Variants in GDF1 observed in about 807,000 individuals in gnomAD.
The protein encoded by GDF1 is growth differentiation factor 1.
A neutral mutation model predicts 7.4 loss-of-function variants in GDF1; 8 were observed. The observed-to-expected ratio is 1.09, with a 90% confidence interval of 0.64 to 1.96. The LOEUF is 1.96. Ranked by LOEUF, GDF1 falls within the 30% of genes most tolerant of loss-of-function variation. The probability of loss-of-function intolerance (pLI) is 0.00; values close to 1 mark genes in which losing one functional copy is unlikely to be tolerated. For missense variants in GDF1, 574 were observed against 551.5 expected (o/e 1.04, Z -0.41); for synonymous variants, 311 against 276.7 (o/e 1.12, Z -1.23).
intron 6 of GDF1, among the ~76,000 whole-genome samples, chr19:18,877,462 C>T (rs531287936): frequency 7.9e-5 from 12 of 152,310 alleles, no homozygotes; most frequent in South Asian, 4.1e-4. Context: ...GGAGAATTCC[C>T]GACTCAGGCC....
Position 18,895,926 on chromosome 19 carries a change from C to T in GDF1, c.-1176G>A. On this transcript the variant is annotated 5_prime_UTR_variant, in exon 1 of 8. Coordinates refer to ENST00000247005, the MANE Select transcript of GDF1 (RefSeq NM_001492.6). The surrounding 1 kb of genome is among the most constrained non-coding windows in gnomAD (Gnocchi z 6.4). The stretch of plus-strand genomic sequence containing the variant: ...GCGGCGCCAGGTGCGCGTGCTCAGC[C>T]AGGCCGCGACGCGCCAGCCCCCAGC... 2.5e-6 allele frequency: 3 copies of T among 1,213,030 alleles called. No individual in the cohort carries two copies. Among genetic ancestry groups the T allele is most frequent in the Admixed American group, 4.3e-5 (1 of 23,026 alleles). 75.1% of individuals were successfully genotyped at this position (1,213,030 alleles called of 1,614,324 possible).
rs1356538468 is a variant in GDF1 at position 18,880,347 on chromosome 19, A to T, written c.-644T>A. 1 of 1,563,354 alleles carries T rather than the reference A, an allele frequency of 6.4e-7. No homozygotes were observed. Among genetic ancestry groups the T allele is most frequent in the African/African-American group, 1.4e-5 (1 of 73,576 alleles). On this transcript the variant is annotated 5_prime_UTR_variant, in exon 4 of 8. Transcript: ENST00000247005. ...AGCCGATGGTAGGAGCCGCCGCGGG[A>T]CTTGAAGTAAATGTTGAGCTTGGTG...
intron 6 of GDF1, among the ~76,000 whole-genome samples, chr19:18,875,542 C>CAAAAAAA (rs886609723): frequency 1.0e-5 from 1 of 97,374 alleles, no homozygotes; most frequent in African/African-American, 3.7e-5. Context: ...GACACTGTCT[C>CAAAAAAA]AAAAAAAAAA....
In GDF1 at chr19:18,870,674, CCT is replaced by C. The variant is rs1278793186; in HGVS notation, c.-312-57_-312-56del. ...TGGGAGCCCCACGCGGCCGCCTGGC[CCT>C]CTTTCCCGCTTCTTCTCTGGCCGTT... On this transcript the variant is annotated intron_variant, in intron 6 of 7. Transcript: ENST00000247005. The surrounding 1 kb of genome is among the most constrained non-coding windows in gnomAD (Gnocchi z 5.1). The C allele has an allele frequency of 2.0e-6, 1 of 511,780 alleles. No individual in the cohort carries two copies. Among genetic ancestry groups the C allele is most frequent in the Non-Finnish European group, 3.5e-6 (1 of 282,736 alleles). The allele number at this position is 511,780 out of a possible 1,614,324, so 31.7% of individuals were successfully genotyped here.
chr19:18,895,361 G>A lies in GDF1; in HGVS notation c.-1074+463C>T, dbSNP rs1232523186. Among the ~76,000 whole-genome samples the A allele has an allele frequency of 6.6e-6, 1 of 152,208 alleles. No homozygotes were observed. Among genetic ancestry groups the A allele is most frequent in the Non-Finnish European group, 1.5e-5 (1 of 68,024 alleles). The stretch of plus-strand genomic sequence containing the variant: ...CATGGCAGGGAGGCGCATGGCGCAG[G>A]CCGCGGTGCGCCGAGCCCTCCCGTT... On this transcript the variant is annotated intron_variant, in intron 1 of 7. Transcript: ENST00000247005. The surrounding 1 kb of genome is among the most constrained non-coding windows in gnomAD (Gnocchi z 6.4).
rs563751310 is a variant in GDF1 at position 18,886,429 on chromosome 19, G to A, written c.-913-2162C>T. On this transcript the variant is annotated intron_variant, in intron 2 of 7. Coordinates refer to ENST00000247005, the MANE Select transcript of GDF1 (RefSeq NM_001492.6). ...CCGGGTGTGGTGGTGGGCGCCTGTG[G>A]TCCCAGCTACTCGGGAGGCTGAGGT... is the stretch of plus-strand genomic sequence containing the variant. Among the ~76,000 whole-genome samples the A allele has an allele frequency of 1.2e-4, 19 of 152,062 alleles. No individual in the cohort carries two copies. The South Asian group carries it at 4.0e-3, about 32-fold the overall frequency.
chr19:18,892,539 A>G (rs927267021), intron 2 of GDF1, among the ~76,000 whole-genome samples: 3 of 151,784 alleles, frequency 2.0e-5, no homozygotes, highest in African/African-American at 7.3e-5. Flanking sequence ...GCGTGAACCC[A>G]GGAGGCGGAG....
intron 2 of GDF1, among the ~76,000 whole-genome samples, chr19:18,886,353 T>A (rs911105921): frequency 1.3e-4 from 20 of 152,124 alleles, no homozygotes; most frequent in Middle Eastern, 3.4e-3. Flanking sequence ...ATCAAGACCA[T>A]CCTGGTTAAC....
intron 6 of GDF1, among the ~76,000 whole-genome samples, chr19:18,874,046 A>G (rs1163603517): frequency 6.6e-6 from 1 of 152,146 alleles, no homozygotes; most frequent in African/African-American, 2.4e-5. Flanking sequence ...GGAGAAGAGC[A>G]GAGAGCACGT....
At chr19:18,880,673 C>T (rs1056253657) in intron 3 of GDF1, among the ~76,000 whole-genome samples, 3 of 151,908 alleles carry the variant, frequency 2.0e-5, no homozygotes, top group Admixed American at 1.3e-4. Context: ...GCCTCAGTGT[C>T]CCCATGTGGC....
At position 18,896,058 on chromosome 19, in the gene GDF1, C is replaced by T; in HGVS notation, c.-1308G>A. On this transcript the variant is annotated 5_prime_UTR_variant, in exon 1 of 8. Transcript: ENST00000247005. The surrounding 1 kb of genome is among the most constrained non-coding windows in gnomAD (Gnocchi z 5.9). ...CGGGCCCCGTCGGCCCCGCCGCGGG[C>T]CCCGCCGCCGCCATACCGCCCGCTC... 1.0e-6 allele frequency: 1 copy of T among 982,750 alleles called. No individual in the cohort carries two copies. Among genetic ancestry groups the T allele is most frequent in the Non-Finnish European group, 1.2e-6 (1 of 829,092 alleles). The allele number at this position is 982,750 out of a possible 1,614,324, so 60.9% of individuals were successfully genotyped here. A position where few individuals can be genotyped will look rare whatever the true frequency, so the allele number is the denominator to read the frequency against.
At position 18,870,442 on chromosome 19, in the gene GDF1, G is replaced by T; in HGVS notation, c.-135C>A. The T allele has an allele frequency of 1.1e-6, 1 of 915,532 alleles. No homozygotes were observed. The highest frequency in any genetic ancestry group is 1.5e-5 in the South Asian group (1 of 65,576). 56.7% of individuals were successfully genotyped at this position (915,532 alleles called of 1,614,324 possible). A position where few individuals can be genotyped will look rare whatever the true frequency, so the allele number is the denominator to read the frequency against. Reference sequence around the variant, plus strand: ...GGCCGGGAACTGGAGGCAGGATGAGGGGGCGGGGTCCCAGGGGAGGTGGCG... The same window carrying T: ...GGCCGGGAACTGGAGGCAGGATGAGTGGGCGGGGTCCCAGGGGAGGTGGCG... On this transcript the variant is annotated 5_prime_UTR_variant, in exon 7 of 8. Coordinates refer to ENST00000247005, the MANE Select transcript of GDF1 (RefSeq NM_001492.6). The surrounding 1 kb of genome is among the most constrained non-coding windows in gnomAD (Gnocchi z 5.1).
chr19:18,885,479 G>A (rs1177675332), intron 2 of GDF1, among the ~76,000 whole-genome samples: 1 of 148,656 alleles, frequency 6.7e-6, no homozygotes, highest in East Asian at 2.0e-4. Context: ...TTACAGGGAT[G>A]AGCCACCTCA....
chr19:18,876,664 C>T (rs892924762), intron 6 of GDF1, among the ~76,000 whole-genome samples: 12 of 152,040 alleles, frequency 7.9e-5, no homozygotes, highest in East Asian at 1.9e-4. Flanking sequence ...GGATTACAGA[C>T]GTGAGCCACC....
intron 6 of GDF1, among the ~76,000 whole-genome samples, chr19:18,876,352 T>C (rs982666907): frequency 2.0e-5 from 3 of 152,056 alleles, no homozygotes; most frequent in Non-Finnish European, 4.4e-5. Context: ...TGTTTTGGTT[T>C]GTCTTTTTTC....
rs1356509629 is a variant in GDF1, at chr19:18,869,275, C to T, written c.441G>A (p.Leu147=). 4 of 1,492,524 alleles carry T rather than the reference C, an allele frequency of 2.7e-6. No homozygotes were observed. The highest frequency in any genetic ancestry group is 2.8e-5 in the East Asian group (1 of 35,262). 92.5% of individuals were successfully genotyped at this position (1,492,524 alleles called of 1,614,324 possible). The change falls in exon 8 of 8, where the codon CTG becomes CTA. Residue 147 remains leucine (L), a synonymous_variant. Coordinates refer to ENST00000247005, the MANE Select transcript of GDF1 (RefSeq NM_001492.6). ...CCGCCGCCGCCGCGAAACGCAGCTC[C>T]AGGCGGGCCCGGCTCGGGCGCTCAG... ...EPAERPSRAR[L]ELRFAAAAAA...
Position 18,896,132 on chromosome 19 carries a change from G to A in GDF1, c.-1382C>T. The A allele has an allele frequency of 7.6e-6, 5 of 654,458 alleles. No individual in the cohort carries two copies. The highest frequency in any genetic ancestry group is 6.7e-5 in the South Asian group (1 of 15,034). 40.5% of individuals were successfully genotyped at this position (654,458 alleles called of 1,614,324 possible). On this transcript the variant is annotated 5_prime_UTR_variant, in exon 1 of 8. Coordinates refer to ENST00000247005, the MANE Select transcript of GDF1 (RefSeq NM_001492.6). This position sits in a 1 kb window ranked among gnomAD's most constrained non-coding sequence, Gnocchi z 5.9. Reference sequence around the variant, plus strand: ...CCCGCCCGCGGTAGCCGACGGAGCCGCGCGCCCCGCGTCACGCGCCGCAGC... The same window carrying A: ...CCCGCCCGCGGTAGCCGACGGAGCCACGCGCCCCGCGTCACGCGCCGCAGC...
At chr19:18,879,434 C>T (rs771988771) in intron 4 of GDF1, 46 bp from the exon 5 acceptor site, 12 of 1,543,872 alleles carry the variant, frequency 7.8e-6, no homozygotes, top group Non-Finnish European at 8.7e-6. Flanking sequence ...GGGGACGGTG[C>T]CCTACCCAGT....
rs1239173649 is a variant in GDF1, at chr19:18,868,868, C to T, written c.848G>A (p.Arg283His). ...YVSFREVGWHRWVIAPRGFLA... is the reference protein window; with the variant it reads ...YVSFREVGWHHWVIAPRGFLA... ...GAAGCCGCGCGGCGCGATGACCCAG[C>T]GGTGCCAGCCCACCTCGCGGAAGCT... The change falls in exon 8 of 8, where the codon CGC becomes CAC. Residue 283 changes from arginine to histidine, a missense_variant. Arg to His is a conservative substitution (Grantham distance 29, BLOSUM62 0). Coordinates refer to ENST00000247005, the MANE Select transcript of GDF1 (RefSeq NM_001492.6). 1.5e-5 allele frequency: 22 copies of T among 1,438,842 alleles called. No individual in the cohort carries two copies. Among genetic ancestry groups the T allele is most frequent in the African/African-American group, 1.2e-4 (8 of 66,990 alleles). 89.1% of individuals were successfully genotyped at this position (1,438,842 alleles called of 1,614,324 possible).
Sources: gnomAD v4.1 joint callset for allele counts (sites outside exome capture counted in the v4.1 genomes callset) on GRCh38, gnomAD v4.1.1 for gene constraint, Gnocchi (gnomAD v3.1) non-coding constraint, MANE v1.5 for transcripts, NCBI Gene and HGNC (gene_info 2026-07-23, HGNC 2026-07-21) for gene names.